ADGRL3: variants seen among roughly 807,000 people sequenced by gnomAD.
The protein encoded by ADGRL3 is adhesion G protein-coupled receptor L3.
A neutral mutation model predicts 153.5 loss-of-function variants in ADGRL3; 62 were observed. The observed-to-expected ratio is 0.40, with a 90% CI of 0.33 to 0.50. The LOEUF (loss-of-function observed/expected upper bound fraction) is 0.50. ADGRL3 is among the 20% of genes least tolerant of loss of function. The pLI, the probability that ADGRL3 is intolerant of heterozygous loss-of-function variation, is 0.47. For missense variants in ADGRL3, 1,641 were observed against 1,859.4 expected (o/e 0.88, Z 2.16); for synonymous variants, 710 against 672.5 (o/e 1.06, Z -0.86).
intron 5 of ADGRL3, among the ~76,000 whole-genome samples, chr4:61,658,498 G>T (rs1231326739): frequency 1.3e-5 from 2 of 152,078 alleles, no homozygotes; most frequent in Admixed American, 6.5e-5. Flanking sequence ...TCATTTTGAA[G>T]ATTACACAAG....
rs145813008 is a variant in ADGRL3, at chr4:61,495,471, GAGGAAGGA to G, written c.-173-1634_-173-1627del. Among the ~76,000 whole-genome samples the G allele has an allele frequency of 2.0e-4, 30 of 150,340 alleles. 1 individual carries two copies. Among genetic ancestry groups the G allele is most frequent in the African/African-American group, 6.8e-4 (28 of 41,046 alleles). ...AGAAAAAAGGAAGGAAGGGAGGGAG[GAGGAAGGA>G]AGGAAGGAAGGAAGGGGAAGGGAAG... On this transcript the variant is annotated intron_variant, in intron 2 of 26. Transcript: ENST00000683033.
Position 61,833,258 on chromosome 4 carries a change from A to G in ADGRL3, c.1480+19369A>G, listed in dbSNP as rs550064162. Among the ~76,000 whole-genome samples the G allele has an allele frequency of 3.3e-5, 5 of 152,304 alleles. 1 individual carries two copies. The East Asian group carries it at 9.7e-4, about 29-fold the overall frequency. On this transcript the variant is annotated intron_variant, in intron 9 of 26. Transcript: ENST00000683033. ...TGCAAGGACACTTGGTTTATTTTGC[A>G]TTAAAAAAATGTGTAAAGGTGAACA... is the stretch of plus-strand genomic sequence containing the variant.
At position 61,479,729 on chromosome 4, in the gene ADGRL3, A is replaced by G. The variant is rs1052507912; in HGVS notation, c.-173-17392A>G. 2.0e-5 allele frequency among the ~76,000 whole-genome samples: 3 copies of G among 152,174 alleles called. No homozygotes were observed. The East Asian group carries it at 5.8e-4, about 29-fold the overall frequency. ...TGTATATTAGAGGTGAAATGACCAT[A>G]ATAGTGTTTGCATAATGGTTTAAAA... On this transcript the variant is annotated intron_variant, in intron 2 of 26. Transcript: ENST00000683033.
chr4:61,580,373 T>C (rs1355698935), intron 4 of ADGRL3, among the ~76,000 whole-genome samples: 1 of 152,102 alleles, frequency 6.6e-6, no homozygotes, highest in Non-Finnish European at 1.5e-5. Flanking sequence ...ATAGCCTAAA[T>C]GCTGTTTAAG....
intron 6 of ADGRL3, among the ~76,000 whole-genome samples, chr4:61,723,578 C>T (rs2096276467): frequency 6.6e-6 from 1 of 151,982 alleles, no homozygotes; most frequent in African/African-American, 2.4e-5. Context: ...ATTCACGTAG[C>T]CAGTGAAAAA....
intron 1 of ADGRL3, among the ~76,000 whole-genome samples, chr4:61,296,737 A>G (rs904570502): frequency 6.6e-6 from 1 of 152,180 alleles, no homozygotes; most frequent in African/African-American, 2.4e-5. Flanking sequence ...TCATTATAAG[A>G]TATGATATTG....
intron 9 of ADGRL3, 54 bp downstream of exon 9, chr4:61,813,943 G>A (rs1031655611): frequency 9.4e-6 from 15 of 1,597,792 alleles, no homozygotes; most frequent in Non-Finnish European, 1.0e-5. Flanking sequence ...TTTGATGAAA[G>A]CAATGATGGT....
At chr4:62,051,655 C>A (rs540698932) in intron 25 of ADGRL3, among the ~76,000 whole-genome samples, 25 of 151,782 alleles carry the variant, frequency 1.6e-4, no homozygotes, top group African/African-American at 5.5e-4. Context: ...TTATTGTTAA[C>A]CTAAAGCTCT....
At chr4:61,843,152 TC>T (rs981038506) in intron 9 of ADGRL3, among the ~76,000 whole-genome samples, 1 of 152,156 alleles carries the variant, frequency 6.6e-6, no homozygotes, top group African/African-American at 2.4e-5. Context: ...ACTGATTCAC[TC>T]CTCATACTAT....
chr4:61,766,333 A>C (rs2096979265), intron 8 of ADGRL3, among the ~76,000 whole-genome samples: 1 of 152,124 alleles, frequency 6.6e-6, no homozygotes. Flanking sequence ...AGTTGAGCAT[A>C]GTTTGTGATT....
chr4:61,899,814 C>T (rs1393229237), intron 11 of ADGRL3, among the ~76,000 whole-genome samples: 1 of 152,228 alleles, frequency 6.6e-6, no homozygotes. Flanking sequence ...AGCACCTTCT[C>T]ACTGAATCCT....
chr4:61,710,001 T>C (rs1445193376), intron 6 of ADGRL3, among the ~76,000 whole-genome samples: 1 of 152,224 alleles, frequency 6.6e-6, no homozygotes, highest in Non-Finnish European at 1.5e-5. Context: ...ATTATTATAG[T>C]CATGCTGATT....
At chr4:61,540,391 A>C (rs1362098254) in intron 4 of ADGRL3, among the ~76,000 whole-genome samples, 1 of 152,056 alleles carries the variant, frequency 6.6e-6, no homozygotes, top group Non-Finnish European at 1.5e-5. Flanking sequence ...TCTACTAAAA[A>C]TACAAAAATT....
chr4:61,698,937 A>G (rs772041392), intron 6 of ADGRL3, among the ~76,000 whole-genome samples: 1 of 152,226 alleles, frequency 6.6e-6, no homozygotes, highest in Non-Finnish European at 1.5e-5. Flanking sequence ...TTGAAGCTTT[A>G]GCATCTCACT....
At chr4:61,370,925 G>C (rs1464664086) in intron 1 of ADGRL3, among the ~76,000 whole-genome samples, 2 of 150,098 alleles carry the variant, frequency 1.3e-5, no homozygotes, top group Non-Finnish European at 3.0e-5. Flanking sequence ...TGTATTGGGT[G>C]CATATATATT....
intron 5 of ADGRL3, among the ~76,000 whole-genome samples, chr4:61,653,571 A>G (rs1195379388): frequency 6.6e-6 from 1 of 152,126 alleles, no homozygotes; most frequent in Admixed American, 6.5e-5. Context: ...TCATTTGAGT[A>G]TTACTTCATC....
chr4:61,567,246 A>G (rs1396067822), intron 4 of ADGRL3, among the ~76,000 whole-genome samples: 1 of 152,222 alleles, frequency 6.6e-6, no homozygotes, highest in African/African-American at 2.4e-5. Flanking sequence ...TGCAGGCTTA[A>G]CTGCTGCACT....
At chr4:61,642,929 C>G (rs374741525) in intron 5 of ADGRL3, among the ~76,000 whole-genome samples, 14 of 152,248 alleles carry the variant, frequency 9.2e-5, no homozygotes, top group Middle Eastern at 3.4e-3. Flanking sequence ...AGCATGGAAT[C>G]TTCTTCCATT....
intron 6 of ADGRL3, among the ~76,000 whole-genome samples, chr4:61,721,157 G>C (rs761308665): frequency 3.3e-5 from 5 of 152,148 alleles, no homozygotes; most frequent in Non-Finnish European, 5.9e-5. Context: ...AGAGGGACAG[G>C]ACTAATAGGA....
Sources: gnomAD v4.1 joint callset for allele counts (sites outside exome capture counted in the v4.1 genomes callset) on GRCh38, gnomAD v4.1.1 for gene constraint, MANE v1.5 for transcripts, NCBI Gene and HGNC (gene_info 2026-07-23, HGNC 2026-07-21) for gene names.